KIF17: variants seen among roughly 807,000 people sequenced by gnomAD.
The protein encoded by KIF17 is kinesin family member 17.
A neutral mutation model predicts 96.8 loss-of-function variants in KIF17; 80 were observed. The observed-to-expected ratio is 0.83, with a 90% CI of 0.69 to 1.00. The LOEUF is 1.00. Ranked by LOEUF, KIF17 falls within the 50% of genes least tolerant of loss-of-function variation. The probability of loss-of-function intolerance (pLI) is 0.00; values close to 1 mark genes in which losing one functional copy is unlikely to be tolerated. For synonymous variants in KIF17, 567 were observed against 587.5 expected (o/e 0.97, Z 0.51); for missense variants, 1,280 against 1,372.9 (o/e 0.93, Z 1.07).
At chr1:20,717,402 G>C in intron 1 of KIF17, 74 bp downstream of exon 1, 1 of 1,552,102 alleles carries the variant, frequency 6.4e-7, no homozygotes, top group South Asian at 1.1e-5. Context: ...CTGGGGGGCA[G>C]CGCAGCCCCC....
chr1:20,709,853 G>T lies in KIF17; in HGVS notation c.481-25C>A, dbSNP rs1331756053. ...GCTGAGGGAGGAGGAACAGTCAGGG[G>T]CGGAACCTCCAGCCGCCAAGGGTTA... On this transcript the variant is annotated intron_variant, in intron 3 of 14. Coordinates refer to ENST00000400463, the MANE Select transcript of KIF17 (RefSeq NM_001122819.3). The surrounding 1 kb of genome is among the most constrained non-coding windows in gnomAD (Gnocchi z 4.7). The T allele has an allele frequency of 1.9e-6, 3 of 1,581,364 alleles. No homozygotes were observed. The highest frequency in any genetic ancestry group is 1.1e-5 in the South Asian group (1 of 87,986).
At chr1:20,702,191 A>G (rs1004047955) in intron 5 of KIF17, among the ~76,000 whole-genome samples, 4 of 152,180 alleles carry the variant, frequency 2.6e-5, no homozygotes, top group African/African-American at 9.7e-5. Flanking sequence ...GAAGAGACTG[A>G]GGTTCTCAGT....
chr1:20,666,162 C>G, intron 14 of KIF17, 52 bp downstream of exon 14: 1 of 1,346,078 alleles, frequency 7.4e-7, no homozygotes. Context: ...CTATCCCCTT[C>G]ACGCCTCTCC....
intron 9 of KIF17, 31 bp downstream of exon 9, chr1:20,686,015 C>A: frequency 6.6e-7 from 1 of 1,514,180 alleles, no homozygotes; most frequent in Non-Finnish European, 9.0e-7. Context: ...AGAACCCCGT[C>A]CCCCACATGG....
At chr1:20,664,867 C>T in intron 14 of KIF17, 105 bp from the exon 15 acceptor site, 1 of 1,070,950 alleles carries the variant, frequency 9.3e-7, no homozygotes, top group Non-Finnish European at 1.4e-6. Context: ...CACTCCCGCC[C>T]CCCTGCCCAG....
chr1:20,690,352 G>GCGCC lies in KIF17; in HGVS notation c.1234-18_1234-17insGGCG. ...TTCATACTCCTGGGGGGGTGGGAGGGACCAGAGGGCAGGCAGCATTTTATC... is the reference window on the plus strand; with the variant it reads ...TTCATACTCCTGGGGGGGTGGGAGGGCGCCACCAGAGGGCAGGCAGCATTTTATC... On this transcript the variant is annotated splice_polypyrimidine_tract_variant and intron_variant, in intron 6 of 14. Transcript: ENST00000400463. The GCGCC allele has an allele frequency of 4.9e-5, 22 of 451,088 alleles. No individual in the cohort carries two copies. Among genetic ancestry groups the GCGCC allele is most frequent in the Non-Finnish European group, 8.1e-5 (19 of 235,072 alleles). The allele number at this position is 451,088 out of a possible 1,614,324, so 27.9% of individuals were successfully genotyped here. A position where few individuals can be genotyped will look rare whatever the true frequency, so the allele number is the denominator to read the frequency against.
chr1:20,674,808 G>T (rs982424424), intron 11 of KIF17, among the ~76,000 whole-genome samples: 2 of 152,034 alleles, frequency 1.3e-5, no homozygotes, highest in Non-Finnish European at 2.9e-5. Flanking sequence ...ACCATTTATT[G>T]ACAAGACTGT....
rs2053927998 is a variant in KIF17, at chr1:20,685,861, A to T, written c.2019+185T>A. Among the ~76,000 whole-genome samples, 1 of 152,236 alleles carries T rather than the reference A, an allele frequency of 6.6e-6. No individual in the cohort carries two copies. ...AGGCCACTTTCACTCCATAAGAAGA[A>T]GATGATGGTTCCTCCCACTGCACAC... On this transcript the variant is annotated intron_variant, in intron 9 of 14. Coordinates refer to ENST00000400463, the MANE Select transcript of KIF17 (RefSeq NM_001122819.3). The surrounding 1 kb of genome is among the most constrained non-coding windows in gnomAD (Gnocchi z 4.1).
chr1:20,680,048 G>A (rs1313377829), intron 11 of KIF17, among the ~76,000 whole-genome samples: 4 of 152,092 alleles, frequency 2.6e-5, no homozygotes, highest in East Asian at 1.9e-4. Flanking sequence ...GCAATGTCAC[G>A]ATCTCCGCTC....
At chr1:20,711,260 C>G (rs922394050) in intron 3 of KIF17, among the ~76,000 whole-genome samples, 16 of 152,140 alleles carry the variant, frequency 1.1e-4, no homozygotes, top group African/African-American at 3.9e-4. Flanking sequence ...TGAGCAACCC[C>G]AGGAGACAAC....
At position 20,699,860 on chromosome 1, in the gene KIF17, C is replaced by T. The variant is rs1412057791; in HGVS notation, c.1124-1372G>A. Among the ~76,000 whole-genome samples, 2 of 152,176 alleles carry T rather than the reference C, an allele frequency of 1.3e-5. No homozygotes were observed. The highest frequency in any genetic ancestry group is 3.9e-4 in the East Asian group (2 of 5,168). ...CCAGATTGTGACAGCTGTGGAGGGC[C>T]GGGTGAGGGCTTTGGCTGTGACTCT... On this transcript the variant is annotated intron_variant, in intron 5 of 14. Transcript: ENST00000400463. This position sits in a 1 kb window ranked among gnomAD's most constrained non-coding sequence, Gnocchi z 4.3.
intron 11 of KIF17, among the ~76,000 whole-genome samples, chr1:20,674,474 A>G (rs997488989): frequency 1.3e-5 from 2 of 151,886 alleles, no homozygotes; most frequent in African/African-American, 4.8e-5. Context: ...CATGTTGTCC[A>G]GGCTGGTCTT....
chr1:20,688,735 T>C (rs922212494), intron 7 of KIF17, among the ~76,000 whole-genome samples: 1 of 152,164 alleles, frequency 6.6e-6, no homozygotes, highest in Non-Finnish European at 1.5e-5. Flanking sequence ...GCTAAATGAA[T>C]GCTGTGGATG....
chr1:20,712,892 TA>T (rs1275850651), intron 3 of KIF17, among the ~76,000 whole-genome samples: 1 of 88,938 alleles, frequency 1.1e-5, no homozygotes, highest in African/African-American at 6.2e-5. Flanking sequence ...ATAATATAGA[TA>T]ATATTATCTA....
chr1:20,715,133 A>G (rs937049741), intron 2 of KIF17, among the ~76,000 whole-genome samples: 10 of 152,166 alleles, frequency 6.6e-5, no homozygotes, highest in Non-Finnish European at 1.3e-4. Flanking sequence ...CAGGCTGGAG[A>G]TTCAGTGAGA....
intron 4 of KIF17, among the ~76,000 whole-genome samples, chr1:20,707,202 G>T (rs932980201): frequency 6.6e-6 from 1 of 152,178 alleles, no homozygotes. Context: ...GGACTCCATT[G>T]CAGGGAACCG....
At chr1:20,712,854 T>TTATCTA (rs2054493135) in intron 3 of KIF17, among the ~76,000 whole-genome samples, 1 of 22,562 alleles carries the variant, frequency 4.4e-5, no homozygotes, top group African/African-American at 1.3e-4. Flanking sequence ...ATAGATAATA[T>TTATCTA]TATCTATATT....
rs2053929062 is a variant in KIF17, at chr1:20,685,910, C to T, written c.2019+136G>A. On this transcript the variant is annotated intron_variant, in intron 9 of 14. Transcript: ENST00000400463. The surrounding 1 kb of genome is among the most constrained non-coding windows in gnomAD (Gnocchi z 4.1). ...ACTGCCTGGCCACGGGCCACAAGCC[C>T]GGGGAAGGCTGGAGTTGTTGTTCTC... 6.5e-6 allele frequency: 5 copies of T among 765,646 alleles called. No homozygotes were observed. The highest frequency in any genetic ancestry group is 1.1e-5 in the Non-Finnish European group (5 of 444,008). The allele number at this position is 765,646 out of a possible 1,614,324, so 47.4% of individuals were successfully genotyped here.
Position 20,687,253 on chromosome 1 carries a change from G to T in KIF17, c.1938+135C>A, listed in dbSNP as rs948048037. 2.0e-6 allele frequency: 2 copies of T among 980,812 alleles called. No homozygotes were observed. The highest frequency in any genetic ancestry group is 3.2e-5 in the African/African-American group (2 of 63,160). 60.8% of individuals were successfully genotyped at this position (980,812 alleles called of 1,614,324 possible). A position where few individuals can be genotyped will look rare whatever the true frequency, so the allele number is the denominator to read the frequency against. ...TGAGCCAGCCACCAGTGCCAGAGCCGCAGCAGACACAGTGGAGCCACGGCC... is the reference window on the plus strand; with the variant it reads ...TGAGCCAGCCACCAGTGCCAGAGCCTCAGCAGACACAGTGGAGCCACGGCC... On this transcript the variant is annotated intron_variant, in intron 8 of 14. Coordinates refer to ENST00000400463, the MANE Select transcript of KIF17 (RefSeq NM_001122819.3). The surrounding 1 kb of genome is among the most constrained non-coding windows in gnomAD (Gnocchi z 4.4).
Sources: gnomAD v4.1 joint callset for allele counts (sites outside exome capture counted in the v4.1 genomes callset) on GRCh38, gnomAD v4.1.1 for gene constraint, Gnocchi (gnomAD v3.1) non-coding constraint, MANE v1.5 for transcripts, NCBI Gene and HGNC (gene_info 2026-07-23, HGNC 2026-07-21) for gene names.